SIAE: variants seen among roughly 807,000 people sequenced by gnomAD.
The protein encoded by SIAE is sialic acid acetylesterase.
Under a neutral mutation model 52.6 loss-of-function variants are expected in SIAE, and 39 were observed. The ratio of observed to expected loss-of-function variants is 0.74; its 90% confidence interval spans 0.57 to 0.97. SIAE has a LOEUF of 0.97. Among genes scored for constraint, SIAE ranks in the 50% least tolerant of loss-of-function variants. The pLI, the probability that SIAE is intolerant of heterozygous loss-of-function variation, is 0.00. For synonymous variants in SIAE, 233 were observed against 241.4 expected (o/e 0.97, Z 0.32); for missense variants, 592 against 662.1 (o/e 0.89, Z 1.16).
At chr11:124,658,048 G>A (rs545198602) in intron 3 of SIAE, among the ~76,000 whole-genome samples, 1 of 152,268 alleles carries the variant, frequency 6.6e-6, no homozygotes, top group African/African-American at 2.4e-5. Context: ...CACAGACGCT[G>A]GGAGAGAGCA....
chr11:124,674,085 G>T, upstream of SIAE: 1 of 253,512 alleles, frequency 3.9e-6, no homozygotes, highest in Non-Finnish European at 7.7e-6. Flanking sequence ...CCCATTCTGC[G>T]CGAGTCTGAA....
chr11:124,655,711 A>AC (rs901405065), intron 3 of SIAE, among the ~76,000 whole-genome samples: 4 of 151,708 alleles, frequency 2.6e-5, no homozygotes, highest in Non-Finnish European at 4.4e-5. Flanking sequence ...CAGGAACCAC[A>AC]CCCCCCCACA....
intron 2 of SIAE, among the ~76,000 whole-genome samples, chr11:124,667,802 T>C (rs146974178): frequency 2.0e-3 from 299 of 152,298 alleles, no homozygotes; most frequent in African/African-American, 6.7e-3. Context: ...CACCGGCTTC[T>C]ATATCTTTAT....
At chr11:124,652,170 A>T (rs1943026916) in intron 4 of SIAE, among the ~76,000 whole-genome samples, 1 of 152,090 alleles carries the variant, frequency 6.6e-6, no homozygotes, top group Non-Finnish European at 1.5e-5. Flanking sequence ...TGAGAATGAG[A>T]ATGTGGGGTG....
chr11:124,658,745 T>G (rs1432930289), intron 3 of SIAE: 2 of 152,058 alleles, frequency 1.3e-5, no homozygotes, highest in Admixed American at 1.3e-4. Context: ...AACTCTTACC[T>G]CCTCAGAGAA....
In SIAE at chr11:124,673,653, T is replaced by C. The variant is rs781533810; in HGVS notation, c.56A>G (p.Asp19Gly). The C allele has an allele frequency of 2.5e-6, 4 of 1,613,542 alleles. No homozygotes were observed. The highest frequency in any genetic ancestry group is 1.7e-5 in the Admixed American group (1 of 59,998). Residue 19 changes from aspartate (D) to glycine (G), a missense_variant, in exon 1 of 10, where the codon GAC becomes GGC. By Grantham distance (94) the Asp-to-Gly change is moderately conservative. Transcript: ENST00000263593. ...CCGGGCCGCCTCACCTGCACTTCTG[T>C]CGGCCCACAGGATTAATGGCAGCAC... ...GLVLPLILWA[D>G]RSAGIGFRFA...
chr11:124,665,474 C>T (rs1388034199), intron 2 of SIAE, among the ~76,000 whole-genome samples: 1 of 152,146 alleles, frequency 6.6e-6, no homozygotes, highest in Admixed American at 6.5e-5. Context: ...CAGGTAACTC[C>T]CTACTCGCAC....
chr11:124,657,486 A>G (rs1301789373), intron 3 of SIAE, among the ~76,000 whole-genome samples: 1 of 152,230 alleles, frequency 6.6e-6, no homozygotes, highest in Non-Finnish European at 1.5e-5. Context: ...CATCACAGTG[A>G]GACGCCAGCT....
intron 1 of SIAE, chr11:124,669,729 A>G: frequency 5.3e-6 from 3 of 564,940 alleles, no homozygotes; most frequent in Admixed American, 2.7e-5. Context: ...ATCATAGCAC[A>G]TGATGACCAC....
chr11:124,656,528 G>T (rs988690420), intron 3 of SIAE, among the ~76,000 whole-genome samples: 2 of 152,186 alleles, frequency 1.3e-5, no homozygotes, highest in African/African-American at 4.8e-5. Context: ...TATGAGAGGA[G>T]TGGCTTAGGG....
intron 5 of SIAE, 97 bp downstream of exon 5, chr11:124,649,522 A>G: frequency 7.7e-7 from 1 of 1,304,838 alleles, no homozygotes; most frequent in South Asian, 1.2e-5. Flanking sequence ...ATATTGGGAC[A>G]TTCACCATAT....
chr11:124,654,113 G>A (rs1164828255), intron 4 of SIAE: 1 of 568,242 alleles, frequency 1.8e-6, no homozygotes, highest in Non-Finnish European at 2.2e-6. Context: ...GGAGGCGGAG[G>A]TTGCAGGTGA....
chr11:124,658,068 C>T (rs1211711388), intron 3 of SIAE, among the ~76,000 whole-genome samples: 1 of 152,172 alleles, frequency 6.6e-6, no homozygotes, highest in African/African-American at 2.4e-5. Context: ...ACCGCTGCCT[C>T]TCTAGGGACT....
upstream of SIAE, chr11:124,673,765 G>A (rs1591400205): frequency 6.3e-7 from 1 of 1,588,404 alleles, no homozygotes; most frequent in Non-Finnish European, 8.6e-7. Context: ...CGGCAGGGGC[G>A]GGGCCTGGGC....
chr11:124,637,616 G>A (rs1041575707), intron 9 of SIAE, among the ~76,000 whole-genome samples: 2 of 152,090 alleles, frequency 1.3e-5, no homozygotes, highest in Non-Finnish European at 2.9e-5. Flanking sequence ...ATGAAGAAGG[G>A]GCATAAGATA....
rs1347280954 is a variant in SIAE, at chr11:124,635,584, A to AATT, written c.*1364_*1366dup. On this transcript the variant is annotated 3_prime_UTR_variant, in exon 10 of 10. Transcript: ENST00000263593. ...TTAAATTATTCAGCCACTAAAAATA[A>AATT]ATTTACATATGATTTCATTAATATA... 6.6e-6 allele frequency: 1 copy of AATT among 152,182 alleles called. No homozygotes were observed. Among genetic ancestry groups the AATT allele is most frequent in the African/African-American group, 2.4e-5 (1 of 41,432 alleles). 9.4% of individuals were successfully genotyped at this position (152,182 alleles called of 1,614,324 possible).
intron 7 of SIAE, among the ~76,000 whole-genome samples, chr11:124,646,360 C>T (rs1186558030): frequency 6.6e-6 from 1 of 152,108 alleles, no homozygotes; most frequent in African/African-American, 2.4e-5. Context: ...GTCATGTAGG[C>T]AACCTCATGC....
At chr11:124,656,465 G>A (rs577264171) in intron 3 of SIAE, among the ~76,000 whole-genome samples, 1 of 152,252 alleles carries the variant, frequency 6.6e-6, no homozygotes, top group African/African-American at 2.4e-5. Context: ...TCCCTCCAAA[G>A]ATAAATCATA....
At chr11:124,662,702 T>C (rs997755066) in intron 2 of SIAE, among the ~76,000 whole-genome samples, 5 of 152,218 alleles carry the variant, frequency 3.3e-5, no homozygotes, top group Non-Finnish European at 7.3e-5. Flanking sequence ...TCGAGAGAAC[T>C]AGGCATCAAG....
Sources: allele counts gnomAD v4.1 joint callset (sites outside exome capture counted in the v4.1 genomes callset), GRCh38; gene constraint gnomAD v4.1.1; transcripts MANE v1.5; gene names NCBI Gene and HGNC (gene_info 2026-07-23, HGNC 2026-07-21).